Variants in ZNF160 observed in about 807,000 individuals in gnomAD.
The protein encoded by ZNF160 is KRAB zinc finger protein KR18.
Under a neutral mutation model 13.1 loss-of-function variants are expected in ZNF160, and 9 were observed. That is an observed-to-expected ratio of 0.69 (90% CI 0.41 to 1.20). The LOEUF (loss-of-function observed/expected upper bound fraction) is 1.20. ZNF160 is among the 50% of genes most tolerant of loss of function. The probability of loss-of-function intolerance (pLI) is 0.01; values close to 1 mark genes in which losing one functional copy is unlikely to be tolerated. For synonymous variants in ZNF160, 293 were observed against 333.2 expected (o/e 0.88, Z 1.31); for missense variants, 838 against 988.0 (o/e 0.85, Z 2.04).
At position 53,068,159 on chromosome 19, in the gene ZNF160, T is replaced by C. The variant is rs749981203; in HGVS notation, c.2375A>G (p.Asn792Ser). 3 of 1,614,194 alleles carry C rather than the reference T, an allele frequency of 1.9e-6. No homozygotes were observed. The highest frequency in any genetic ancestry group is 3.3e-5 in the Admixed American group (2 of 60,032). ...IHTGEKRYKCNECGKVFRQSS... is the reference protein window; with the variant it reads ...IHTGEKRYKCSECGKVFRQSS... ...CTGCCTGAAGACCTTGCCACACTCA[T>C]TACATTTGTAACGCTTTTCTCCAGT... is the stretch of plus-strand genomic sequence containing the variant. Residue 792 changes from asparagine to serine, a missense_variant, in exon 6 of 6, where the codon AAT becomes AGT. Asn to Ser is a conservative substitution (Grantham distance 46, BLOSUM62 1). This residue lies in a region of ZNF160 where 51 missense variants were observed against 46.9 expected (regional missense o/e 1.09). Coordinates refer to ENST00000683776, the MANE Select transcript of ZNF160 (RefSeq NM_001322131.2).
intron 2 of ZNF160, among the ~76,000 whole-genome samples, chr19:53,088,358 C>T (rs2084918261): frequency 6.6e-6 from 1 of 151,986 alleles, no homozygotes. Context: ...ATTCAAGCAA[C>T]AATTCAAAGG....
chr19:53,086,466 A>C, intron 2 of ZNF160, 145 bp from the exon 3 acceptor site: 1 of 586,734 alleles, frequency 1.7e-6, no homozygotes, highest in Non-Finnish European at 2.7e-6. Context: ...TCTGCGCCCC[A>C]CTGCACCAGG....
intron 3 of ZNF160, 40 bp from the exon 4 acceptor site, chr19:53,075,223 G>C: frequency 6.2e-7 from 1 of 1,605,230 alleles, no homozygotes; most frequent in Non-Finnish European, 8.5e-7. Context: ...GCTAAGGGGA[G>C]AGTTCAAAAT....
In ZNF160 at chr19:53,070,195, G is replaced by A. The variant is rs1209302087; in HGVS notation, c.339C>T (p.Phe113=). 6.2e-7 allele frequency: 1 copy of A among 1,613,772 alleles called. No individual in the cohort carries two copies. The highest frequency in any genetic ancestry group is 2.2e-5 in the East Asian group (1 of 44,888). The stretch of plus-strand genomic sequence containing the variant: ...CGTGTCTTTCCAACACCACTGTGTG[G>A]AATACTGCTTCTGTACTGCTCTTCT... ...PKEKSSTEAV[F]HTVVLERHES... is the part of the protein sequence containing the mutation. The change falls in exon 6 of 6, where the codon TTC becomes TTT. Residue 113 remains phenylalanine (F), a synonymous_variant. Coordinates refer to ENST00000683776, the MANE Select transcript of ZNF160 (RefSeq NM_001322131.2).
At chr19:53,096,429 CG>C (rs1206863864) in intron 1 of ZNF160, among the ~76,000 whole-genome samples, 1 of 151,416 alleles carries the variant, frequency 6.6e-6, no homozygotes, top group African/African-American at 2.4e-5. Flanking sequence ...GAAGGGCAAG[CG>C]CAAGTCCACC....
chr19:53,077,830 G>T (rs2084459356), intron 3 of ZNF160, among the ~76,000 whole-genome samples: 1 of 151,858 alleles, frequency 6.6e-6, no homozygotes, highest in African/African-American at 2.4e-5. Context: ...TATTAAGACA[G>T]TACTCATAAA....
At chr19:53,076,588 G>A (rs1257222321) in intron 3 of ZNF160, among the ~76,000 whole-genome samples, 6 of 152,104 alleles carry the variant, frequency 3.9e-5, no homozygotes, top group Non-Finnish European at 7.4e-5. Flanking sequence ...GCGGTGAGCC[G>A]AGATCACGCC....
At chr19:53,080,462 A>G (rs1358076717) in intron 3 of ZNF160, among the ~76,000 whole-genome samples, 1 of 152,186 alleles carries the variant, frequency 6.6e-6, no homozygotes, top group African/African-American at 2.4e-5. Context: ...CAAGAATGCA[A>G]TCCTATTAAA....
At chr19:53,075,827 CACA>C (rs2084367368) in intron 3 of ZNF160, 1 of 518,850 alleles carries the variant, frequency 1.9e-6, no homozygotes, top group African/African-American at 1.9e-5. Flanking sequence ...ATTCACAATT[CACA>C]GCTGGTCATT....
intron 2 of ZNF160, among the ~76,000 whole-genome samples, chr19:53,088,342 A>G (rs1216133777): frequency 6.6e-6 from 1 of 152,144 alleles, no homozygotes; most frequent in Non-Finnish European, 1.5e-5. Context: ...TGGATGTGAA[A>G]GCTAGATTCA....
chr19:53,076,133 T>A (rs2084378715), intron 3 of ZNF160, among the ~76,000 whole-genome samples: 1 of 152,230 alleles, frequency 6.6e-6, no homozygotes. Flanking sequence ...TTTGAGCAAG[T>A]TATGTCTCCC....
chr19:53,070,602 G>A (rs1162034505), intron 5 of ZNF160, among the ~76,000 whole-genome samples: 1 of 152,088 alleles, frequency 6.6e-6, no homozygotes, highest in Non-Finnish European at 1.5e-5. Flanking sequence ...TTTTAGTAGA[G>A]ACGGGGTTTC....
At chr19:53,102,325 C>T (rs748317320) in intron 1 of ZNF160, among the ~76,000 whole-genome samples, 2 of 152,164 alleles carry the variant, frequency 1.3e-5, no homozygotes, top group Non-Finnish European at 1.5e-5. Context: ...CTCCCAGATC[C>T]CAGGCCTCCC....
Position 53,070,122 on chromosome 19 carries a change from C to T in ZNF160, c.412G>A (p.Val138Met). The change falls in exon 6 of 6, where the codon GTG (valine) becomes ATG (methionine). Residue 138 changes from valine (V) to methionine (M), a missense_variant. Transcript: ENST00000683776. ...CTCCATTGACACTCAAAATCATGCA[C>T]ATTTTTCTGGGGTTCCTTGAAGGAA... ...DFSFKEPQKNVHDFECQWRDD... is the reference protein window; with the variant it reads ...DFSFKEPQKNMHDFECQWRDD... 1 of 1,614,126 alleles carries T rather than the reference C, an allele frequency of 6.2e-7. No individual in the cohort carries two copies. Among genetic ancestry groups the T allele is most frequent in the Non-Finnish European group, 8.5e-7 (1 of 1,180,026 alleles).
intron 2 of ZNF160, among the ~76,000 whole-genome samples, chr19:53,089,489 G>A (rs2084957770): frequency 6.6e-6 from 1 of 152,116 alleles, no homozygotes; most frequent in African/African-American, 2.4e-5. Flanking sequence ...CCATCCCAGG[G>A]AAATGGAGGA....
intron 3 of ZNF160, chr19:53,084,953 CTTTTTT>C (rs56958526): frequency 6.3e-5 from 9 of 141,888 alleles, no homozygotes; most frequent in Non-Finnish European, 9.1e-5. Context: ...AGGGTGGCAC[CTTTTTT>C]TTTTTTTTTT....
Position 53,068,210 on chromosome 19 carries a change from C to T in ZNF160, c.2324G>A (p.Ser775Asn), listed in dbSNP as rs745980290. The T allele has an allele frequency of 2.5e-6, 4 of 1,614,106 alleles. No individual in the cohort carries two copies. Among genetic ancestry groups the T allele is most frequent in the Non-Finnish European group, 3.4e-6 (4 of 1,180,014 alleles). Residue 775 changes from serine (S) to asparagine (N), a missense_variant, in exon 6 of 6, where the codon AGT (serine) becomes AAT (asparagine). Around this residue, in one of 3 missense-constraint regions of ZNF160, gnomAD observed 400 missense variants for 538.9 expected, o/e 0.74. Transcript: ENST00000683776. ...ECGKAFRVRS[S>N]LTTHMAIHTG... ...GTGGATTGCCATATGGGTAGTTAGA[C>T]TTGATCTTACCCTAAAGGCTTTCCC... is the stretch of plus-strand genomic sequence containing the variant.
intron 3 of ZNF160, among the ~76,000 whole-genome samples, chr19:53,080,167 T>G (rs985231230): frequency 6.6e-6 from 1 of 151,368 alleles, no homozygotes; most frequent in Admixed American, 6.6e-5. Context: ...AGTGCGATCT[T>G]GGCTCACCAC....
Position 53,076,132 on chromosome 19 carries a change from G to C in ZNF160, c.16-949C>G, listed in dbSNP as rs115664658. Among the ~76,000 whole-genome samples the C allele has an allele frequency of 6.0e-3, 912 of 152,330 alleles. 11 individuals carry two copies. The highest frequency in any genetic ancestry group is 0.021 in the African/African-American group (871 of 41,574). On this transcript the variant is annotated intron_variant, in intron 3 of 5. Transcript: ENST00000683776. ...CTACGCATTAAGGACTTTTGAGCAAGTTATGTCTCCCTAATTCTGTCTTAT... is the reference window on the plus strand; with the variant it reads ...CTACGCATTAAGGACTTTTGAGCAACTTATGTCTCCCTAATTCTGTCTTAT...
Sources: allele counts gnomAD v4.1 joint callset (sites outside exome capture counted in the v4.1 genomes callset), GRCh38; gene constraint gnomAD v4.1.1; regional missense constraint gnomAD v4.1.1; transcripts MANE v1.5; gene names NCBI Gene and HGNC (gene_info 2026-07-23, HGNC 2026-07-21).